The following DYNC2I1 variants were observed in gnomAD, a reference collection of about 807,000 sequenced individuals.
The protein encoded by DYNC2I1 is dynein 2 intermediate chain 1.
A neutral mutation model predicts 133.4 loss-of-function variants in DYNC2I1; 89 were observed. The ratio of observed to expected loss-of-function variants is 0.67; its 90% CI spans 0.56 to 0.80. The LOEUF (loss-of-function observed/expected upper bound fraction) is 0.80. Ranked by LOEUF, DYNC2I1 falls within the 30% of genes least tolerant of loss-of-function variation. The probability of loss-of-function intolerance (pLI) is 0.00; values close to 1 mark genes in which losing one functional copy is unlikely to be tolerated. For synonymous variants in DYNC2I1, 504 were observed against 484.3 expected, an observed-to-expected ratio of 1.04 and a Z score of -0.54; for missense variants, 1,291 against 1,314.5, an observed-to-expected ratio of 0.98 and a Z score of 0.28.
chr7:158,914,991 G>A (rs1226215814), intron 14 of DYNC2I1, among the ~76,000 whole-genome samples: 1 of 152,244 alleles, frequency 6.6e-6, no homozygotes, highest in African/African-American at 2.4e-5. Flanking sequence ...TTTCTTGTAT[G>A]TAAGCTCAGC....
chr7:158,857,085 A>G (rs1197794146), intron 1 of DYNC2I1, among the ~76,000 whole-genome samples: 2 of 152,168 alleles, frequency 1.3e-5, no homozygotes, highest in Non-Finnish European at 2.9e-5. Context: ...CTGAGGAGAC[A>G]TATTTAAAAG....
chr7:158,890,698 C>G (rs1845122832), intron 7 of DYNC2I1, among the ~76,000 whole-genome samples: 2 of 151,970 alleles, frequency 1.3e-5, no homozygotes, highest in Non-Finnish European at 2.9e-5. Flanking sequence ...CTCAGCCTCC[C>G]AAGTAACTGG....
chr7:158,888,506 CTG>C (rs1363290890), intron 7 of DYNC2I1, among the ~76,000 whole-genome samples: 1 of 152,138 alleles, frequency 6.6e-6, no homozygotes, highest in Admixed American at 6.6e-5. Context: ...GAGTCTCACT[CTG>C]TTGCCCAGGC....
chr7:158,935,190 G>C (rs369890545), intron 23 of DYNC2I1, among the ~76,000 whole-genome samples: 1 of 152,152 alleles, frequency 6.6e-6, no homozygotes, highest in Admixed American at 6.5e-5. Context: ...GATGGCCGTC[G>C]GGCAGGCAGC....
Position 158,884,559 on chromosome 7 carries a change from G to T in DYNC2I1, c.880-5G>T, listed in dbSNP as rs754655192. The T allele has an allele frequency of 6.2e-7, 1 of 1,609,608 alleles. No individual in the cohort carries two copies. Among genetic ancestry groups the T allele is most frequent in the South Asian group, 1.1e-5 (1 of 90,168 alleles). Reference sequence around the variant, plus strand: ...TGGTTATGGGATTATATTTTTGTTTGATAGAATGGTGAACACAGAAATCGA... The same window carrying T: ...TGGTTATGGGATTATATTTTTGTTTTATAGAATGGTGAACACAGAAATCGA... On this transcript the variant is annotated splice_polypyrimidine_tract_variant and splice_region_variant and intron_variant, in intron 5 of 24. Transcript: ENST00000407559.
intron 1 of DYNC2I1, among the ~76,000 whole-genome samples, chr7:158,858,838 CT>C (rs1320104381): frequency 2.7e-5 from 2 of 74,292 alleles, no homozygotes; most frequent in Admixed American, 1.5e-4. Flanking sequence ...CCCCCCTCCC[CT>C]TTCCCCTCCC....
chr7:158,880,686 C>G (rs1388156074), intron 5 of DYNC2I1, among the ~76,000 whole-genome samples: 1 of 152,166 alleles, frequency 6.6e-6, no homozygotes, highest in African/African-American at 2.4e-5. Context: ...AAAAGCAAAA[C>G]AAGACAGAAC....
Position 158,875,884 on chromosome 7 carries a change from T to G in DYNC2I1, c.491-725T>G, listed in dbSNP as rs710421. On this transcript the variant is annotated intron_variant, in intron 3 of 24. Transcript: ENST00000407559. ...GACTAAGCCCTGCTTCTGCGTGATA[T>G]GCAGAAACCCTGAAGGCTGTATGAG... Among the ~76,000 whole-genome samples, 7 of 152,168 alleles carry G rather than the reference T, an allele frequency of 4.6e-5. No homozygotes were observed. In the South Asian group the frequency reaches 1.2e-3, roughly 27 times the overall value.
Position 158,923,661 on chromosome 7 carries a change from G to A in DYNC2I1, c.2185G>A (p.Asp729Asn). Residue 729 changes from aspartate (D) to asparagine (N), a missense_variant, in exon 17 of 25, where the codon GAC becomes AAC. Physicochemically the swap from Asp to Asn is conservative, Grantham distance 23 (BLOSUM62 1). Transcript: ENST00000407559. ...AGTTGTCGTCTGGGATTTGAGAGAA[G>A]ACTCAAGGCTGCATTACTCTGTGAC... Reference protein sequence around the residue: ...GSVVVWDLREDSRLHYSVTLS... With the variant: ...GSVVVWDLRENSRLHYSVTLS... The A allele has an allele frequency of 6.2e-7, 1 of 1,613,980 alleles. No homozygotes were observed. The highest frequency in any genetic ancestry group is 8.5e-7 in the Non-Finnish European group (1 of 1,179,894).
rs959216807 is a variant in DYNC2I1, at chr7:158,856,627, G to T, written c.-109G>T. ...GCTGCTCCTGCTTGTCGGTTGCTAGGCGCTGGGACGCGCCTCCCGAAGGGT... is the reference window on the plus strand; with the variant it reads ...GCTGCTCCTGCTTGTCGGTTGCTAGTCGCTGGGACGCGCCTCCCGAAGGGT... On this transcript the variant is annotated 5_prime_UTR_variant, in exon 1 of 25. Coordinates refer to ENST00000407559, the MANE Select transcript of DYNC2I1 (RefSeq NM_018051.5). 3 of 1,141,222 alleles carry T rather than the reference G, an allele frequency of 2.6e-6. No individual in the cohort carries two copies. The highest frequency in any genetic ancestry group is 1.6e-5 in the African/African-American group (1 of 62,508). The allele number at this position is 1,141,222 out of a possible 1,614,324, so 70.7% of individuals were successfully genotyped here.
At chr7:158,958,327 C>T (rs1852252906), downstream of DYNC2I1, among the ~76,000 whole-genome samples, 5 of 152,380 alleles carry the variant, frequency 3.3e-5, no homozygotes, top group Admixed American at 3.3e-4. Context: ...CGCCCCACAC[C>T]TGGCGTTCCA....
intron 11 of DYNC2I1, among the ~76,000 whole-genome samples, chr7:158,910,624 G>A (rs1847338347): frequency 6.6e-6 from 1 of 151,804 alleles, no homozygotes; most frequent in South Asian, 2.1e-4. Context: ...AGGGCACTTG[G>A]CTGTGTCAGG....
intron 23 of DYNC2I1, among the ~76,000 whole-genome samples, chr7:158,940,525 G>A (rs1851238426): frequency 2.6e-5 from 4 of 152,200 alleles, no homozygotes; most frequent in Admixed American, 2.0e-4. Flanking sequence ...CTCAACTGCT[G>A]CAGAATACCC....
intron 8 of DYNC2I1, among the ~76,000 whole-genome samples, chr7:158,895,169 A>G (rs967861158): frequency 1.3e-5 from 2 of 151,952 alleles, no homozygotes; most frequent in African/African-American, 4.8e-5. Context: ...CAGCTTATCA[A>G]TTTTTTCTTT....
At chr7:158,902,338 T>G in intron 9 of DYNC2I1, 38 bp from the exon 10 acceptor site, 1 of 1,565,884 alleles carries the variant, frequency 6.4e-7, no homozygotes, top group Non-Finnish European at 8.7e-7. Context: ...AAAGTCAGTT[T>G]GTCTTAAAGG....
chr7:158,905,048 G>A lies in DYNC2I1; in HGVS notation c.1358-941G>A, dbSNP rs566987552. 6.3e-5 allele frequency: 24 copies of A among 381,552 alleles called. 1 individual carries two copies. The highest frequency in any genetic ancestry group is 1.0e-4 in the South Asian group (5 of 49,612). 23.6% of individuals were successfully genotyped at this position (381,552 alleles called of 1,614,324 possible). On this transcript the variant is annotated intron_variant, in intron 10 of 24. Coordinates refer to ENST00000407559, the MANE Select transcript of DYNC2I1 (RefSeq NM_018051.5). ...AGGTAAGTATGTACAAGAAGCCACC[G>A]AAATCCTTAGGGGGAAGAGGTGGAT...
At chr7:158,891,781 C>T (rs1362991440) in intron 8 of DYNC2I1, among the ~76,000 whole-genome samples, 1 of 152,216 alleles carries the variant, frequency 6.6e-6, no homozygotes, top group Non-Finnish European at 1.5e-5. Context: ...CTGAGAATTA[C>T]ACAAAGTTAT....
chr7:158,912,564 A>G (rs1433262083), intron 12 of DYNC2I1, among the ~76,000 whole-genome samples: 2 of 152,142 alleles, frequency 1.3e-5, no homozygotes, highest in Admixed American at 6.5e-5. Flanking sequence ...GACACTGACA[A>G]TATTAATCCT....
At chr7:158,857,057 G>C (rs1030282502) in intron 1 of DYNC2I1, among the ~76,000 whole-genome samples, 8 of 152,128 alleles carry the variant, frequency 5.3e-5, no homozygotes, top group Non-Finnish European at 1.2e-4. Flanking sequence ...CTCGGCCCCT[G>C]CTGCGGGGCC....
Sources: gnomAD v4.1 joint callset for allele counts (sites outside exome capture counted in the v4.1 genomes callset) on GRCh38, gnomAD v4.1.1 for gene constraint, MANE v1.5 for transcripts, NCBI Gene and HGNC (gene_info 2026-07-23, HGNC 2026-07-21) for gene names.